Variants in PDE1C observed in about 807,000 individuals in gnomAD.
The protein encoded by PDE1C is dual specificity calcium/calmodulin-dependent 3',5'-cyclic nucleotide phosphodiesterase 1C.
A neutral mutation model predicts 93.1 loss-of-function variants in PDE1C; 62 were observed. That is an observed-to-expected ratio of 0.67 (90% confidence interval 0.54 to 0.82). The LOEUF is 0.82. PDE1C is among the 40% of genes least tolerant of loss of function. PDE1C has a pLI of 0.00. For synonymous variants in PDE1C, 325 were observed against 310.1 expected, an observed-to-expected ratio of 1.05 and a Z score of -0.50; for missense variants, 742 against 884.6, an observed-to-expected ratio of 0.84 and a Z score of 2.04.
chr7:32,299,263 C>A, exon 1 of PDE1C: 1 of 987,268 alleles, frequency 1.0e-6, no homozygotes, highest in Non-Finnish European at 1.2e-6. Flanking sequence ...GAAAGCACAT[C>A]AACAGATGGA....
At chr7:31,865,300 C>A (rs1168007357) in intron 6 of PDE1C, among the ~76,000 whole-genome samples, 3 of 152,140 alleles carry the variant, frequency 2.0e-5, no homozygotes, top group African/African-American at 7.2e-5. Flanking sequence ...GTAAATTTTT[C>A]TTTGTTGCTC....
chr7:32,376,193 C>G (rs1053928465), intron 1 of PDE1C, among the ~76,000 whole-genome samples: 115 of 150,458 alleles, frequency 7.6e-4, no homozygotes, highest in African/African-American at 2.8e-3. Flanking sequence ...AAATTCACAA[C>G]CAATCCTAAC....
chr7:31,654,401 G>A, the PDE1C span, among the ~76,000 whole-genome samples: 1,070 of 152,134 alleles, frequency 7.0e-3, 7 homozygotes, highest in Non-Finnish European at 0.011. Context: ...CCATGACCAA[G>A]TCTTTGCATC....
chr7:31,865,356 T>A (rs1343383452), intron 6 of PDE1C, among the ~76,000 whole-genome samples: 1 of 152,190 alleles, frequency 6.6e-6, no homozygotes, highest in African/African-American at 2.4e-5. Flanking sequence ...TTAAGATACT[T>A]AGTTTTAGTA....
At chr7:31,650,639 C>T in the PDE1C span, among the ~76,000 whole-genome samples, 3 of 152,128 alleles carry the variant, frequency 2.0e-5, no homozygotes, top group Non-Finnish European at 4.4e-5. Context: ...TTCCAACCTC[C>T]AGGACTGTGA....
At chr7:32,400,020 A>G (rs187659982) in intron 1 of PDE1C, among the ~76,000 whole-genome samples, 1 of 152,310 alleles carries the variant, frequency 6.6e-6, no homozygotes, top group Non-Finnish European at 1.5e-5. Flanking sequence ...CCTTGTATGT[A>G]CTGAACAGGT....
chr7:31,833,034 T>A (rs1301303870), intron 11 of PDE1C, among the ~76,000 whole-genome samples: 5 of 152,166 alleles, frequency 3.3e-5, no homozygotes, highest in African/African-American at 1.2e-4. Context: ...AATTCCCATG[T>A]GTTGTGGAAG....
intron 3 of PDE1C, among the ~76,000 whole-genome samples, chr7:32,108,809 C>T (rs6958483): frequency 6.6e-6 from 1 of 152,176 alleles, no homozygotes; most frequent in African/African-American, 2.4e-5. Context: ...TGCCTACAGA[C>T]CCAGGCAGGC....
intron 2 of PDE1C, among the ~76,000 whole-genome samples, chr7:31,969,919 A>T (rs1383793592): frequency 1.3e-5 from 2 of 151,860 alleles, no homozygotes; most frequent in Admixed American, 1.3e-4. Flanking sequence ...GCATGTTCTC[A>T]CTCATAGGTG....
chr7:31,694,932 C>G, the PDE1C span, among the ~76,000 whole-genome samples: 2 of 152,078 alleles, frequency 1.3e-5, no homozygotes, highest in Non-Finnish European at 2.9e-5. Context: ...GTTACAAAGC[C>G]AGGAACGGTG....
chr7:31,891,178 G>T (rs1456457880), intron 2 of PDE1C, among the ~76,000 whole-genome samples: 5 of 152,154 alleles, frequency 3.3e-5, no homozygotes, highest in African/African-American at 1.2e-4. Context: ...TGTGCGAGAG[G>T]TTTTTATGAA....
rs752433564 is a variant in PDE1C, at chr7:32,147,984, T to TAAAAAAAAAAAAAAAAAA, written c.308+21783_308+21800dup. 9.5e-3 allele frequency among the ~76,000 whole-genome samples: 759 copies of TAAAAAAAAAAAAAAAAAA among 79,660 alleles called. 67 individuals are homozygous for TAAAAAAAAAAAAAAAAAA. The highest frequency in any genetic ancestry group is 0.037 in the East Asian group (53 of 1,428). The allele number at this position is 79,660 out of a possible 152,430, so 52.3% of individuals were successfully genotyped here. On this transcript the variant is annotated intron_variant, in intron 3 of 18. Transcript: ENST00000396193. ...AACTTGCCTCTCAACCCATTTATGC[T>TAAAAAAAAAAAAAAAAAA]AAAAAAAAAAAAAAAAAAAAAGCCT...
intron 3 of PDE1C, among the ~76,000 whole-genome samples, chr7:32,120,147 C>A (rs1432057673): frequency 6.6e-6 from 1 of 152,208 alleles, no homozygotes; most frequent in Non-Finnish European, 1.5e-5. Flanking sequence ...CCTCTTCAGG[C>A]CTGACCCTGA....
chr7:32,343,425 G>A (rs1463439602), intron 1 of PDE1C, among the ~76,000 whole-genome samples: 2 of 152,164 alleles, frequency 1.3e-5, no homozygotes, highest in Non-Finnish European at 1.5e-5. Flanking sequence ...CTCACAGATG[G>A]TGGGCTGTGG....
chr7:32,294,156 A>G (rs1812498880), intron 1 of PDE1C, among the ~76,000 whole-genome samples: 1 of 151,892 alleles, frequency 6.6e-6, no homozygotes, highest in Non-Finnish European at 1.5e-5. Context: ...CTGCTGTCCA[A>G]GGGTAGGTCA....
chr7:31,951,344 T>G (rs1458179029), intron 2 of PDE1C, among the ~76,000 whole-genome samples: 1 of 152,162 alleles, frequency 6.6e-6, no homozygotes, highest in African/African-American at 2.4e-5. Flanking sequence ...TATCTACAAA[T>G]AGACTCAAAG....
chr7:31,663,205 C>T, the PDE1C span, among the ~76,000 whole-genome samples: 1 of 152,166 alleles, frequency 6.6e-6, no homozygotes, highest in Non-Finnish European at 1.5e-5. Flanking sequence ...CCTGCATTGT[C>T]ATGAACTTCC....
At chr7:32,286,228 TTGGATTTTTAC>T (rs1194024007) in intron 1 of PDE1C, among the ~76,000 whole-genome samples, 2 of 152,178 alleles carry the variant, frequency 1.3e-5, no homozygotes, top group Non-Finnish European at 2.9e-5. Flanking sequence ...CAAAAGTGCT[TTGGATTTTTAC>T]TGAAGATATG....
At position 31,858,279 on chromosome 7, in the gene PDE1C, G is replaced by A. The variant is rs774605059; in HGVS notation, c.750+6663C>T. On this transcript the variant is annotated intron_variant, in intron 7 of 17. Coordinates refer to ENST00000396191, the MANE Select transcript of PDE1C (RefSeq NM_001191057.4). ...TGAGTCATTTTGGCCAGTGAGTTGTGAGCAGAAGTGATGAGCAGAGTTTCT... is the reference window on the plus strand; with the variant it reads ...TGAGTCATTTTGGCCAGTGAGTTGTAAGCAGAAGTGATGAGCAGAGTTTCT... 2.0e-5 allele frequency among the ~76,000 whole-genome samples: 3 copies of A among 152,250 alleles called. No homozygotes were observed. In the South Asian group the frequency reaches 6.2e-4, roughly 32 times the overall value.
Sources: allele counts gnomAD v4.1 joint callset (sites outside exome capture counted in the v4.1 genomes callset), GRCh38; gene constraint gnomAD v4.1.1; transcripts MANE v1.5; gene names NCBI Gene and HGNC (gene_info 2026-07-23, HGNC 2026-07-21).